The following LINS1 variants were observed in gnomAD, a reference collection of about 807,000 sequenced individuals.
LINS1 encodes lines homolog 1.
A neutral mutation model predicts 41.6 loss-of-function variants in LINS1; 27 were observed. That is an observed-to-expected ratio of 0.65 (90% CI 0.48 to 0.89). The LOEUF is 0.89. Ranked by LOEUF, LINS1 falls within the 40% of genes least tolerant of loss-of-function variation. The pLI, the probability that LINS1 is intolerant of heterozygous loss-of-function variation, is 0.00. For synonymous variants in LINS1, 336 were observed against 312.9 expected, an observed-to-expected ratio of 1.07 and a Z score of -0.78; for missense variants, 955 against 884.1, an observed-to-expected ratio of 1.08 and a Z score of -1.02.
chr15:100,579,066 C>T (rs1196534293), intron 3 of LINS1, among the ~76,000 whole-genome samples: 1 of 151,864 alleles, frequency 6.6e-6, no homozygotes. Context: ...AGGAGATACA[C>T]CTAATGTAAA....
At position 100,573,570 on chromosome 15, in the gene LINS1, G is replaced by A. The variant is rs1006488064; in HGVS notation, c.1222+81C>T. 4.3e-6 allele frequency: 4 copies of A among 941,102 alleles called. No individual in the cohort carries two copies. In the African/African-American group the frequency reaches 6.6e-5, roughly 16 times the overall value. The allele number at this position is 941,102 out of a possible 1,614,324, so 58.3% of individuals were successfully genotyped here. ...GCTTAAATTACTGGAATTTAAACTA[G>A]TCCTGAGATTTGATAATTATGAATT... is the stretch of plus-strand genomic sequence containing the variant. On this transcript the variant is annotated intron_variant, in intron 5 of 6. Transcript: ENST00000314742.
intron 1 of LINS1, 80 bp downstream of exon 1, chr15:100,602,041 T>G (rs1388896819): frequency 6.6e-6 from 1 of 152,208 alleles, no homozygotes; most frequent in East Asian, 1.9e-4. Flanking sequence ...CTCCCAACCT[T>G]AAGCCCTGAA....
At chr15:100,597,287 T>C (rs1343649314) in intron 1 of LINS1, among the ~76,000 whole-genome samples, 3 of 151,772 alleles carry the variant, frequency 2.0e-5, no homozygotes, top group Non-Finnish European at 4.4e-5. Context: ...TTTTTAAACA[T>C]AGCACAAATT....
At chr15:100,572,854 A>G (rs1318534068) in intron 5 of LINS1, 3 of 791,306 alleles carry the variant, frequency 3.8e-6, no homozygotes, top group Non-Finnish European at 4.6e-6. Context: ...CTTTAATTCA[A>G]TATCTAATTT....
intron 1 of LINS1, among the ~76,000 whole-genome samples, chr15:100,595,098 G>GA (rs2039190053): frequency 1.3e-5 from 2 of 151,718 alleles, no homozygotes; most frequent in South Asian, 4.2e-4. Flanking sequence ...TAAACTTTTA[G>GA]AAAAAAAATG....
rs140140023 is a variant in LINS1 at position 100,569,519 on chromosome 15, C to T, written c.1993G>A (p.Gly665Arg). ...AATTCTTTTTTATCCCTGCTTGTCC[C>T]AGCTGCATCCTGAATCTCCTTAGTT... ...QATKEIQDAA[G>R]TSRDKKEFSL... The change falls in exon 7 of 7, where the codon GGG (glycine) becomes AGG (arginine). Residue 665 changes from glycine (G) to arginine (R), a missense_variant. Transcript: ENST00000314742. The T allele has an allele frequency of 4.4e-4, 704 of 1,614,104 alleles. No individual in the cohort carries two copies. Among genetic ancestry groups the T allele is most frequent in the Non-Finnish European group, 5.0e-4 (588 of 1,180,046 alleles).
In LINS1 at chr15:100,571,878, T is replaced by C. The variant is rs765315462; in HGVS notation, c.1394+16A>G. On this transcript the variant is annotated intron_variant, in intron 6 of 6. Transcript: ENST00000314742. The stretch of plus-strand genomic sequence containing the variant: ...GACTTGTAGGCCGTTCAATAATTAC[T>C]TTAAAATACACTAACCTGGTCAGTG... The C allele has an allele frequency of 2.0e-5, 32 of 1,613,960 alleles. No individual in the cohort carries two copies. Among genetic ancestry groups the C allele is most frequent in the Middle Eastern group, 1.6e-4 (1 of 6,084 alleles).
chr15:100,577,975 A>G (rs1393304949), intron 3 of LINS1, among the ~76,000 whole-genome samples: 1 of 152,232 alleles, frequency 6.6e-6, no homozygotes, highest in Non-Finnish European at 1.5e-5. Context: ...AGCCATATGT[A>G]GAAAGCTGAA....
At chr15:100,575,954 T>TA (rs1325015505) in intron 3 of LINS1, among the ~76,000 whole-genome samples, 1 of 152,120 alleles carries the variant, frequency 6.6e-6, no homozygotes, top group African/African-American at 2.4e-5. Flanking sequence ...AAGGCAGAAA[T>TA]AAAGATGTTC....
chr15:100,596,661 C>T (rs367738386), intron 1 of LINS1, among the ~76,000 whole-genome samples: 3 of 152,098 alleles, frequency 2.0e-5, no homozygotes, highest in South Asian at 2.1e-4. Flanking sequence ...TAACAAAAAG[C>T]GGCCTGAAAA....
intron 1 of LINS1, among the ~76,000 whole-genome samples, chr15:100,592,673 T>C (rs1365875427): frequency 6.6e-6 from 1 of 152,194 alleles, no homozygotes; most frequent in African/African-American, 2.4e-5. Flanking sequence ...AGGCCATATA[T>C]ATACTTTAAC....
At chr15:100,586,209 T>TTTCCCC (rs1203390187) in intron 1 of LINS1, 5 of 152,246 alleles carry the variant, frequency 3.3e-5, no homozygotes, top group Non-Finnish European at 7.3e-5. Flanking sequence ...ATGCAACTGT[T>TTTCCCC]TGTCTCTCAC....
intron 1 of LINS1, among the ~76,000 whole-genome samples, chr15:100,600,696 A>C (rs1411689652): frequency 6.6e-6 from 1 of 152,218 alleles, no homozygotes; most frequent in Non-Finnish European, 1.5e-5. Flanking sequence ...ATGGAAATTT[A>C]GAAAGTTGAA....
rs769200247 is a variant in LINS1 at position 100,580,717 on chromosome 15, A to T, written c.126T>A (p.Ser42=). ...LNPAVSDQDC[S]TATSLEWANT... is the part of the protein sequence containing the mutation. The stretch of plus-strand genomic sequence containing the variant: ...TTGCCCATTCTAAGGAGGTGGCTGT[A>T]GAACAATCTTGATCTGAAACTGCTG... Residue 42 remains serine (S), a synonymous_variant, in exon 2 of 7, where the codon TCT becomes TCA. Transcript: ENST00000314742. 4.3e-6 allele frequency: 7 copies of T among 1,612,552 alleles called. No homozygotes were observed.
chr15:100,583,252 T>A (rs1567091912), intron 1 of LINS1, among the ~76,000 whole-genome samples: 1 of 152,200 alleles, frequency 6.6e-6, no homozygotes, highest in African/African-American at 2.4e-5. Context: ...TAGCCTAGTC[T>A]TGGTCTTATA....
At chr15:100,593,731 C>T (rs2141353463) in intron 1 of LINS1, among the ~76,000 whole-genome samples, 1 of 152,304 alleles carries the variant, frequency 6.6e-6, no homozygotes. Flanking sequence ...TCCATTGGTG[C>T]TCCAAAAGCC....
intron 1 of LINS1, among the ~76,000 whole-genome samples, chr15:100,585,600 A>C (rs758613180): frequency 6.6e-6 from 1 of 152,228 alleles, no homozygotes; most frequent in African/African-American, 2.4e-5. Flanking sequence ...CAAACAAAGT[A>C]AAACTGGCGA....
At chr15:100,593,862 AG>A (rs1230520485) in intron 1 of LINS1, among the ~76,000 whole-genome samples, 1 of 152,244 alleles carries the variant, frequency 6.6e-6, no homozygotes, top group African/African-American at 2.4e-5. Flanking sequence ...TCTAAAATCA[AG>A]GTCAATTACT....
chr15:100,570,067 T>TGG lies in LINS1; in HGVS notation c.1443_1444dup (p.His482ProfsTer19). 2.5e-6 allele frequency: 4 copies of TGG among 1,576,910 alleles called. No individual in the cohort carries two copies. Among genetic ancestry groups the TGG allele is most frequent in the Non-Finnish European group, 3.4e-6 (4 of 1,170,372 alleles). The stretch of plus-strand genomic sequence containing the variant: ...ATTATAGCCATTTTCATGTGTGTGA[T>TGG]GGTCCCACATTTCTTTTCCCTGAGT... On this transcript the variant is annotated frameshift_variant, in exon 7 of 7. Transcript: ENST00000314742. LOFTEE classifies it low-confidence loss of function (END_TRUNC).
Sources: gnomAD v4.1 joint callset for allele counts (sites outside exome capture counted in the v4.1 genomes callset) on GRCh38, gnomAD v4.1.1 for gene constraint, MANE v1.5 for transcripts, NCBI Gene and HGNC (gene_info 2026-07-23, HGNC 2026-07-21) for gene names.